The following LRRC49 variants were observed in gnomAD, a reference collection of about 807,000 sequenced individuals.
LRRC49 encodes leucine rich repeat containing 49.
LRRC49 carries 50 observed loss-of-function variants against 83.3 expected under a neutral mutation model. The observed-to-expected ratio is 0.60, with a 90% CI of 0.48 to 0.76. LRRC49 has a LOEUF of 0.76. Ranked by LOEUF, LRRC49 falls within the 30% of genes least tolerant of loss-of-function variation. LRRC49 has a pLI of 0.00. For synonymous variants in LRRC49, 286 were observed against 283.3 expected (o/e 1.01, Z -0.10); for missense variants, 704 against 809.1 (o/e 0.87, Z 1.58).
At chr15:71,042,439 A>G (rs1484850529) in intron 15 of LRRC49, among the ~76,000 whole-genome samples, 2 of 152,160 alleles carry the variant, frequency 1.3e-5, no homozygotes, top group Non-Finnish European at 2.9e-5. Flanking sequence ...AAATATTTGG[A>G]AAGAAACACT....
At chr15:70,864,648 A>G (rs1244636718) in intron 1 of LRRC49, among the ~76,000 whole-genome samples, 3 of 152,144 alleles carry the variant, frequency 2.0e-5, no homozygotes, top group Non-Finnish European at 2.9e-5. Flanking sequence ...TTACCTGGCA[A>G]ACTTCTAATC....
intron 2 of LRRC49, among the ~76,000 whole-genome samples, chr15:70,876,990 T>C (rs2033165262): frequency 6.6e-6 from 1 of 152,232 alleles, no homozygotes; most frequent in Non-Finnish European, 1.5e-5. Context: ...TTCAGTCTAA[T>C]GATGCCACTC....
chr15:71,042,914 T>G lies in LRRC49; in HGVS notation c.1857+5582T>G, dbSNP rs114019243. On this transcript the variant is annotated intron_variant, in intron 15 of 15. Coordinates refer to ENST00000260382, the MANE Select transcript of LRRC49 (RefSeq NM_017691.5). ...CTGAGCCGCCTCTAGAATGGAGTCCTAATTCTGACCTTGGACACGTTCACA... is the reference window on the plus strand; with the variant it reads ...CTGAGCCGCCTCTAGAATGGAGTCCGAATTCTGACCTTGGACACGTTCACA... 4.6e-3 allele frequency among the ~76,000 whole-genome samples: 696 copies of G among 152,330 alleles called. 9 individuals are homozygous for G. Among genetic ancestry groups the G allele is most frequent in the African/African-American group, 0.016 (677 of 41,566 alleles).
intron 1 of LRRC49, among the ~76,000 whole-genome samples, chr15:70,870,297 C>A (rs2032999083): frequency 6.6e-6 from 1 of 152,218 alleles, no homozygotes; most frequent in Non-Finnish European, 1.5e-5. Flanking sequence ...CACACTTTGT[C>A]ATAAAAATTC....
chr15:70,878,105 C>T (rs111357175), intron 2 of LRRC49, among the ~76,000 whole-genome samples: 4,720 of 152,182 alleles, frequency 0.031, 267 homozygotes, highest in African/African-American at 0.11. Context: ...GCCAGGATCA[C>T]GCCACTGCAC....
rs201403920 is a variant in LRRC49, at chr15:70,984,151, C to G, written c.1063C>G (p.Arg355Gly). Residue 355 changes from arginine (R) to glycine (G), a missense_variant, in exon 11 of 16, where the codon CGA (arginine) becomes GGA (glycine). Physicochemically the swap from Arg to Gly is moderately radical, Grantham distance 125. Coordinates refer to ENST00000260382, the MANE Select transcript of LRRC49 (RefSeq NM_017691.5). Reference protein sequence around the residue: ...VARQWDLQQQRVANIATNEDR... With the variant: ...VARQWDLQQQGVANIATNEDR... ...TCGACAGTGGGACTTGCAACAACAACGAGTAGCCAATATTGCTACAAATGA... is the reference window on the plus strand; with the variant it reads ...TCGACAGTGGGACTTGCAACAACAAGGAGTAGCCAATATTGCTACAAATGA... 6.8e-7 allele frequency: 1 copy of G among 1,479,624 alleles called. No homozygotes were observed. Among genetic ancestry groups the G allele is most frequent in the Non-Finnish European group, 9.4e-7 (1 of 1,060,566 alleles). The allele number at this position is 1,479,624 out of a possible 1,614,324, so 91.7% of individuals were successfully genotyped here.
At chr15:71,027,855 G>A (rs2039225195) in intron 14 of LRRC49, among the ~76,000 whole-genome samples, 1 of 152,150 alleles carries the variant, frequency 6.6e-6, no homozygotes, top group African/African-American at 2.4e-5. Flanking sequence ...CTGAGACAAT[G>A]GGGTTTTCTA....
At chr15:70,968,864 T>C (rs2036889562) in intron 9 of LRRC49, among the ~76,000 whole-genome samples, 2 of 152,200 alleles carry the variant, frequency 1.3e-5, no homozygotes, top group South Asian at 4.1e-4. Context: ...TTACGTTCCT[T>C]GTAGATTCTG....
intron 9 of LRRC49, among the ~76,000 whole-genome samples, chr15:70,974,799 A>G (rs141306071): frequency 1.2e-4 from 19 of 152,266 alleles, no homozygotes; most frequent in African/African-American, 4.6e-4. Context: ...AATATTTACC[A>G]TACTATCTGA....
chr15:70,913,084 A>G (rs2034617247), intron 6 of LRRC49, among the ~76,000 whole-genome samples: 1 of 152,102 alleles, frequency 6.6e-6, no homozygotes, highest in Admixed American at 6.6e-5. Context: ...TTGAAATGTA[A>G]TATTTATAAA....
At chr15:70,983,172 A>AT (rs560590638) in intron 10 of LRRC49, among the ~76,000 whole-genome samples, 247 of 151,698 alleles carry the variant, frequency 1.6e-3, no homozygotes, top group Middle Eastern at 0.01. Flanking sequence ...CAGAATAGGG[A>AT]TTTTTTTTTC....
intron 11 of LRRC49, among the ~76,000 whole-genome samples, chr15:70,985,558 A>T (rs1488943318): frequency 1.3e-5 from 2 of 151,672 alleles, no homozygotes; most frequent in African/African-American, 4.8e-5. Context: ...GGTTGGGAAA[A>T]TTTTCTCCCA....
At chr15:70,914,150 T>C (rs1440019252) in intron 6 of LRRC49, among the ~76,000 whole-genome samples, 1 of 152,056 alleles carries the variant, frequency 6.6e-6, no homozygotes, top group African/African-American at 2.4e-5. Flanking sequence ...TGTTTCATAA[T>C]ATATGAATCC....
rs1258280474 is a variant in LRRC49 at position 70,919,313 on chromosome 15, T to G, written c.711+120T>G. 13 of 909,916 alleles carry G rather than the reference T, an allele frequency of 1.4e-5. 1 individual carries two copies. The highest frequency in any genetic ancestry group is 1.0e-4 in the South Asian group (5 of 49,316). The allele number at this position is 909,916 out of a possible 1,614,324, so 56.4% of individuals were successfully genotyped here. A position where few individuals can be genotyped will look rare whatever the true frequency, so the allele number is the denominator to read the frequency against. On this transcript the variant is annotated intron_variant, in intron 7 of 15. Transcript: ENST00000260382. ...TACGGTTATTTAGGTTTTTTCTGAATTTAAATTGTGGATGTAATTATTAAG... is the reference window on the plus strand; with the variant it reads ...TACGGTTATTTAGGTTTTTTCTGAAGTTAAATTGTGGATGTAATTATTAAG...
chr15:70,857,699 A>G (rs555734627), intron 1 of LRRC49, among the ~76,000 whole-genome samples: 1 of 152,338 alleles, frequency 6.6e-6, no homozygotes, highest in Non-Finnish European at 1.5e-5. Flanking sequence ...GACTGTGTCT[A>G]TGCACTAAAT....
chr15:70,969,932 A>T (rs1012663731), intron 9 of LRRC49, among the ~76,000 whole-genome samples: 8 of 152,170 alleles, frequency 5.3e-5, no homozygotes, highest in Non-Finnish European at 1.0e-4. Context: ...AACAGAGATA[A>T]TCTGACTCCT....
intron 14 of LRRC49, among the ~76,000 whole-genome samples, chr15:71,014,021 T>C (rs530851077): frequency 6.6e-6 from 1 of 152,278 alleles, no homozygotes; most frequent in Admixed American, 6.5e-5. Context: ...AAAGTGAGTC[T>C]TTTGCATGCT....
intron 2 of LRRC49, 125 bp downstream of exon 2, chr15:70,893,765 A>G: frequency 1.4e-6 from 1 of 723,826 alleles, no homozygotes; most frequent in Non-Finnish European, 2.3e-6. Flanking sequence ...TTTGATTTCC[A>G]GTTTAAAGCT....
intron 1 of LRRC49, chr15:70,893,201 A>G (rs1300191715): frequency 3.4e-6 from 2 of 588,674 alleles, no homozygotes; most frequent in Non-Finnish European, 6.0e-6. Context: ...GTTTATTTAA[A>G]TTCCTTTGGC....
Sources: gnomAD v4.1 joint callset for allele counts (sites outside exome capture counted in the v4.1 genomes callset) on GRCh38, gnomAD v4.1.1 for gene constraint, MANE v1.5 for transcripts, NCBI Gene and HGNC (gene_info 2026-07-23, HGNC 2026-07-21) for gene names.